Variants in KIF3B observed in about 807,000 individuals in gnomAD.
The protein encoded by KIF3B is kinesin family member 3B, also known as kinesin-like protein KIF3B.
Under a neutral mutation model 74.3 loss-of-function variants are expected in KIF3B, and 38 were observed. The ratio of observed to expected loss-of-function variants is 0.51; its 90% CI spans 0.39 to 0.67. The LOEUF (loss-of-function observed/expected upper bound fraction) is 0.67, where lower values mean the gene tolerates loss of function less well. Among genes scored for constraint, KIF3B ranks in the 30% least tolerant of loss-of-function variants. The probability of loss-of-function intolerance (pLI) is 0.00; values close to 1 mark genes in which losing one functional copy is unlikely to be tolerated. For synonymous variants in KIF3B, 326 were observed against 342.5 expected (o/e 0.95, Z 0.53); for missense variants, 649 against 932.0 (o/e 0.70, Z 3.95).
intron 2 of KIF3B, among the ~76,000 whole-genome samples, chr20:32,312,968 C>T (rs1405952412): frequency 1.3e-5 from 2 of 152,192 alleles, no homozygotes; most frequent in African/African-American, 4.8e-5. Flanking sequence ...TATAGCCTCT[C>T]AGTGCAGTTT....
chr20:32,323,064 A>ATATATTTATATATTTATATATATT (rs1600437602), intron 5 of KIF3B, among the ~76,000 whole-genome samples: 2 of 60,314 alleles, frequency 3.3e-5, no homozygotes, highest in Non-Finnish European at 5.4e-5. Flanking sequence ...TTATATTTAT[A>ATATATTTATATATTTATATATATT]TATATTTATA....
chr20:32,283,503 C>CAA (rs879799495), intron 1 of KIF3B, among the ~76,000 whole-genome samples: 3 of 130,724 alleles, frequency 2.3e-5, no homozygotes, highest in African/African-American at 2.8e-5. Flanking sequence ...GACTCCGTCT[C>CAA]AAAAAAAAAA....
chr20:32,304,648 A>G (rs2047760622), intron 1 of KIF3B, among the ~76,000 whole-genome samples: 1 of 152,200 alleles, frequency 6.6e-6, no homozygotes, highest in East Asian at 1.9e-4. Context: ...AACTCCAAGG[A>G]CACTGTTTAT....
intron 1 of KIF3B, among the ~76,000 whole-genome samples, chr20:32,293,261 GTGAA>G (rs755152343): frequency 3.3e-5 from 5 of 150,820 alleles, no homozygotes; most frequent in South Asian, 2.1e-4. Flanking sequence ...AAATAAATGA[GTGAA>G]TGAATGAATG....
chr20:32,290,181 G>A (rs3787374), intron 1 of KIF3B, among the ~76,000 whole-genome samples: 40,354 of 151,880 alleles, frequency 0.27, 6,794 homozygotes, highest in African/African-American at 0.48. Context: ...TCAGGAATTC[G>A]AGACCAGCCT....
At chr20:32,321,805 G>A (rs962686965) in intron 5 of KIF3B, among the ~76,000 whole-genome samples, 2 of 152,112 alleles carry the variant, frequency 1.3e-5, no homozygotes, top group African/African-American at 4.8e-5. Flanking sequence ...CTCTGTGTAA[G>A]CATTTATTAG....
intron 1 of KIF3B, among the ~76,000 whole-genome samples, chr20:32,290,575 G>A (rs1202586427): frequency 6.6e-6 from 1 of 151,970 alleles, no homozygotes; most frequent in Admixed American, 6.6e-5. Context: ...AATGGATAAA[G>A]AATATGTGGT....
chr20:32,308,608 G>A (rs1370081493), intron 1 of KIF3B, among the ~76,000 whole-genome samples: 2 of 151,780 alleles, frequency 1.3e-5, no homozygotes, highest in African/African-American at 4.8e-5. Flanking sequence ...ACAGGGTTTT[G>A]CCATGTTGGC....
At chr20:32,328,437 A>G (rs2122719204) in intron 7 of KIF3B, among the ~76,000 whole-genome samples, 1 of 146,488 alleles carries the variant, frequency 6.8e-6, no homozygotes, top group Non-Finnish European at 1.5e-5. Flanking sequence ...AACAAAAAAC[A>G]AAAACTAAAA....
chr20:32,311,123 A>G lies in KIF3B; in HGVS notation c.1346A>G (p.Lys449Arg). ...AGGCTGCTGAAGGAGAAAGAGAAAA[A>G]GATGGAGGACCTGCGGCGGGAGAAG... Reference protein sequence around the residue: ...KMRLLKEKEKKMEDLRREKDA... With the variant: ...KMRLLKEKEKRMEDLRREKDA... Residue 449 changes from lysine (K) to arginine (R), a missense_variant, in exon 2 of 9, where the codon AAG (lysine) becomes AGG (arginine). Physicochemically the swap from Lys to Arg is conservative, Grantham distance 26 (BLOSUM62 2). Coordinates refer to ENST00000375712, the MANE Select transcript of KIF3B (RefSeq NM_004798.4). 1 of 1,613,656 alleles carries G rather than the reference A, an allele frequency of 6.2e-7. No individual in the cohort carries two copies. Among genetic ancestry groups the G allele is most frequent in the African/African-American group, 1.3e-5 (1 of 74,982 alleles).
intron 1 of KIF3B, among the ~76,000 whole-genome samples, chr20:32,292,740 G>GAGCA (rs1321111344): frequency 6.6e-6 from 1 of 151,856 alleles, no homozygotes; most frequent in Non-Finnish European, 1.5e-5. Flanking sequence ...CTGGGCAACA[G>GAGCA]AGCAAGACCT....
chr20:32,278,409 A>C (rs1200341941), intron 1 of KIF3B, among the ~76,000 whole-genome samples: 2 of 152,170 alleles, frequency 1.3e-5, no homozygotes, highest in African/African-American at 2.4e-5. Context: ...GAGACTGGGT[A>C]TGTCAAGTAG....
chr20:32,291,869 G>T (rs1283958988), intron 1 of KIF3B, among the ~76,000 whole-genome samples: 1 of 151,290 alleles, frequency 6.6e-6, no homozygotes, highest in East Asian at 1.9e-4. Context: ...CACCCTCCTC[G>T]GCCTCCCAAA....
chr20:32,306,518 A>T (rs1273470681), intron 1 of KIF3B, among the ~76,000 whole-genome samples: 1 of 150,854 alleles, frequency 6.6e-6, no homozygotes, highest in Non-Finnish European at 1.5e-5. Context: ...ATTGAAAAGT[A>T]TTATTAGCAC....
At chr20:32,319,208 G>A (rs551563832) in intron 5 of KIF3B, among the ~76,000 whole-genome samples, 26 of 151,960 alleles carry the variant, frequency 1.7e-4, no homozygotes, top group Non-Finnish European at 4.4e-5. Flanking sequence ...CAGTCTGCCC[G>A]ACTTAGCCTC....
rs2151437 is a variant in KIF3B, at chr20:32,333,144, A to C, written c.*1825A>C. 57,026 of 151,874 alleles carry C rather than the reference A, an allele frequency of 0.38. 11,371 individuals are homozygous for C. The highest frequency in any genetic ancestry group is 0.74 in the East Asian group (3,827 of 5,172). 9.4% of individuals were successfully genotyped at this position (151,874 alleles called of 1,614,324 possible). On this transcript the variant is annotated 3_prime_UTR_variant, in exon 9 of 9. Transcript: ENST00000375712. The stretch of plus-strand genomic sequence containing the variant: ...AGGGCCCTTTTCAGCCTTCCCTCAT[A>C]TTTTCTTGAGATCAAACTTTACTTC...
Position 32,282,850 on chromosome 20 carries a change from A to G in KIF3B, c.-66+5085A>G, listed in dbSNP as rs190603935. ...TGACTTCAGAATCCCTGGAAAACCT[A>G]TTGTACTCTACCAGAATTCCTAGAG... On this transcript the variant is annotated intron_variant, in intron 1 of 8. Transcript: ENST00000375712. Among the ~76,000 whole-genome samples the G allele has an allele frequency of 3.0e-3, 461 of 152,306 alleles. 3 individuals carry two copies. The highest frequency in any genetic ancestry group is 0.01 in the African/African-American group (416 of 41,580).
At chr20:32,317,610 T>C (rs1464528491) in intron 5 of KIF3B, among the ~76,000 whole-genome samples, 1 of 151,168 alleles carries the variant, frequency 6.6e-6, no homozygotes, top group Non-Finnish European at 1.5e-5. Context: ...CACTCCTACA[T>C]ACTTATATAT....
intron 5 of KIF3B, among the ~76,000 whole-genome samples, chr20:32,319,631 G>A (rs2047848839): frequency 1.4e-5 from 2 of 140,146 alleles, no homozygotes; most frequent in Admixed American, 1.5e-4. Context: ...TGTCATCCAG[G>A]CTGGAATGCA....
Sources: allele counts gnomAD v4.1 joint callset (sites outside exome capture counted in the v4.1 genomes callset), GRCh38; gene constraint gnomAD v4.1.1; transcripts MANE v1.5; gene names NCBI Gene and HGNC (gene_info 2026-07-23, HGNC 2026-07-21).